The following CHRNB3 variants were observed in gnomAD, a reference collection of about 807,000 sequenced individuals.
CHRNB3 encodes the protein cholinergic receptor nicotinic beta 3 subunit.
In CHRNB3, 37 loss-of-function variants were observed where a neutral mutation model predicts 40.6. That is an observed-to-expected ratio of 0.91 (90% CI 0.70 to 1.20). CHRNB3 has a LOEUF of 1.20. Ranked by LOEUF, CHRNB3 falls within the 50% of genes most tolerant of loss-of-function variation. The pLI, the probability that CHRNB3 is intolerant of heterozygous loss-of-function variation, is 0.00. For missense variants in CHRNB3, 505 were observed against 551.2 expected, an observed-to-expected ratio of 0.92 and a Z score of 0.84; for synonymous variants, 207 against 207.1, an observed-to-expected ratio of 1.00 and a Z score of 0.00.
chr8:42,711,376 T>A (rs906177207), intron 3 of CHRNB3, among the ~76,000 whole-genome samples: 7 of 151,850 alleles, frequency 4.6e-5, no homozygotes, highest in Admixed American at 2.6e-4. Flanking sequence ...GTTTTTTTTT[T>A]AATTTAGTTT....
At chr8:42,729,285 C>G (rs774478292) in intron 3 of CHRNB3, among the ~76,000 whole-genome samples, 6 of 152,016 alleles carry the variant, frequency 3.9e-5, no homozygotes, top group South Asian at 4.1e-4. Flanking sequence ...TGGCGGGAAC[C>G]TGTAGTCCCA....
intron 2 of CHRNB3, among the ~76,000 whole-genome samples, chr8:42,709,140 T>G (rs927341399): frequency 6.6e-6 from 1 of 152,040 alleles, no homozygotes; most frequent in South Asian, 2.1e-4. Context: ...TGGCCCCGGT[T>G]TGCTGAACAC....
chr8:42,724,818 A>G (rs1252424465), intron 3 of CHRNB3, among the ~76,000 whole-genome samples: 1 of 151,204 alleles, frequency 6.6e-6, no homozygotes, highest in African/African-American at 2.4e-5. Context: ...ATCTCTACTA[A>G]AAATACAAAA....
At chr8:42,731,247 C>T (rs949822679) in intron 4 of CHRNB3, among the ~76,000 whole-genome samples, 1 of 151,822 alleles carries the variant, frequency 6.6e-6, no homozygotes, top group Non-Finnish European at 1.5e-5. Flanking sequence ...AGTTACCTGG[C>T]GTTGTGGTAG....
At chr8:42,728,032 A>G (rs145350017) in intron 3 of CHRNB3, among the ~76,000 whole-genome samples, 115 of 152,300 alleles carry the variant, frequency 7.6e-4, no homozygotes, top group African/African-American at 2.4e-3. Context: ...TAGTAAAAGG[A>G]AAAAAAGACT....
At position 42,730,045 on chromosome 8, in the gene CHRNB3, T is replaced by C. The variant is rs574477745; in HGVS notation, c.250-549T>C. On this transcript the variant is annotated intron_variant, in intron 3 of 5. Coordinates refer to ENST00000289957, the MANE Select transcript of CHRNB3 (RefSeq NM_000749.5). ...CCAAAAATAAATTCAGATTAAAACT[T>C]AAAAGAAAATGCTGGGAAAACATTT... 2.0e-3 allele frequency among the ~76,000 whole-genome samples: 299 copies of C among 152,302 alleles called. 2 individuals are homozygous for C. Among genetic ancestry groups the C allele is most frequent in the South Asian group, 3.3e-3 (16 of 4,834 alleles).
intron 3 of CHRNB3, among the ~76,000 whole-genome samples, chr8:42,722,680 G>C (rs1330694737): frequency 2.0e-5 from 3 of 152,140 alleles, no homozygotes; most frequent in Admixed American, 2.0e-4. Context: ...TCCCACTTCA[G>C]CCTCCAAAGT....
rs1480031732 is a variant in CHRNB3 at position 42,731,961 on chromosome 8, C to T, written c.654C>T (p.Tyr218=). Residue 218 remains tyrosine (Y), a synonymous_variant, in exon 5 of 6, where the codon TAC becomes TAT. Transcript: ENST00000289957. ...AGGGGAACAGAAGGGACGGCGTGTA[C>T]TCCTATCCCTTTATCACGTATTCCT... The part of the protein sequence containing the change: ...GMKGNRRDGV[Y]SYPFITYSFV... 6.2e-7 allele frequency: 1 copy of T among 1,614,078 alleles called. No homozygotes were observed.
At chr8:42,731,085 TAAATAAA>T (rs1294098222) in intron 4 of CHRNB3, among the ~76,000 whole-genome samples, 1 of 130,304 alleles carries the variant, frequency 7.7e-6, no homozygotes, top group Non-Finnish European at 1.6e-5. Flanking sequence ...AATAAATAAA[TAAATAAA>T]AAATAAAAAG....
chr8:42,701,028 G>A lies in CHRNB3; in HGVS notation c.52+3430G>A, dbSNP rs149404594. Among the ~76,000 whole-genome samples, 8 of 152,064 alleles carry A rather than the reference G, an allele frequency of 5.3e-5. No individual in the cohort carries two copies. In the East Asian group the frequency reaches 1.6e-3, roughly 30 times the overall value. On this transcript the variant is annotated intron_variant, in intron 1 of 5. Coordinates refer to ENST00000289957, the MANE Select transcript of CHRNB3 (RefSeq NM_000749.5). ...GCAGATCATGAAGTCAGGAGGTGGAGACCATCCTGGCCAACATGGTGAAAC... is the reference window on the plus strand; with the variant it reads ...GCAGATCATGAAGTCAGGAGGTGGAAACCATCCTGGCCAACATGGTGAAAC...
At chr8:42,707,821 T>C (rs1200965205) in intron 1 of CHRNB3, among the ~76,000 whole-genome samples, 1 of 152,206 alleles carries the variant, frequency 6.6e-6, no homozygotes, top group Non-Finnish European at 1.5e-5. Context: ...TGGTGTTCAG[T>C]GACCATGTGC....
At position 42,712,273 on chromosome 8, in the gene CHRNB3, G is replaced by A. The variant is rs571772278; in HGVS notation, c.249+1839G>A. Among the ~76,000 whole-genome samples the A allele has an allele frequency of 2.1e-3, 323 of 152,296 alleles. 3 individuals are homozygous for A. Among genetic ancestry groups the A allele is most frequent in the Non-Finnish European group, 4.0e-4 (27 of 68,028 alleles). ...CTCCAAAAGTGCTGGGATTACAGGT[G>A]TGAGCCACCGCACCCACCCTAAGTA... is the stretch of plus-strand genomic sequence containing the variant. On this transcript the variant is annotated intron_variant, in intron 3 of 5. Coordinates refer to ENST00000289957, the MANE Select transcript of CHRNB3 (RefSeq NM_000749.5).
intron 1 of CHRNB3, among the ~76,000 whole-genome samples, chr8:42,702,421 C>G (rs1020107704): frequency 1.3e-5 from 2 of 152,104 alleles, no homozygotes; most frequent in Non-Finnish European, 2.9e-5. Context: ...CAGGTGTGAA[C>G]CACCACACCC....
chr8:42,734,047 A>C (rs1816474284), intron 5 of CHRNB3, among the ~76,000 whole-genome samples: 1 of 151,092 alleles, frequency 6.6e-6, no homozygotes, highest in Non-Finnish European at 1.5e-5. Context: ...CACGAGGTCA[A>C]CAGATCAAGA....
chr8:42,734,959 G>A (rs1025099627), intron 5 of CHRNB3, among the ~76,000 whole-genome samples: 3 of 151,912 alleles, frequency 2.0e-5, no homozygotes, highest in African/African-American at 7.3e-5. Context: ...GGTAGCTCAC[G>A]CCTGTAATCC....
intron 3 of CHRNB3, among the ~76,000 whole-genome samples, chr8:42,730,279 G>A (rs1489130319): frequency 6.6e-6 from 1 of 152,140 alleles, no homozygotes; most frequent in African/African-American, 2.4e-5. Flanking sequence ...TTGTTTGTTT[G>A]TTAAGAGAAA....
intron 3 of CHRNB3, among the ~76,000 whole-genome samples, chr8:42,727,500 C>T (rs962409105): frequency 6.5e-4 from 99 of 152,210 alleles, no homozygotes; most frequent in African/African-American, 2.3e-3. Flanking sequence ...AAGGAAGTTC[C>T]GTGGATAATG....
At chr8:42,701,294 A>G (rs945031721) in intron 1 of CHRNB3, among the ~76,000 whole-genome samples, 2 of 150,802 alleles carry the variant, frequency 1.3e-5, no homozygotes, top group African/African-American at 4.9e-5. Flanking sequence ...GTAATCCAAC[A>G]TTTTGGGAGG....
chr8:42,717,065 T>C (rs950450666), intron 3 of CHRNB3, among the ~76,000 whole-genome samples: 10 of 151,962 alleles, frequency 6.6e-5, no homozygotes, highest in Non-Finnish European at 1.2e-4. Flanking sequence ...CTGGAGCTGA[T>C]TTCCCAGGAA....
Sources: gnomAD v4.1 joint callset for allele counts (sites outside exome capture counted in the v4.1 genomes callset) on GRCh38, gnomAD v4.1.1 for gene constraint, MANE v1.5 for transcripts, NCBI Gene and HGNC (gene_info 2026-07-23, HGNC 2026-07-21) for gene names.